Variants in ATP10B observed in about 807,000 individuals in gnomAD.
ATP10B encodes the protein ATPase phospholipid transporting 10B (putative).
Under a neutral mutation model 141.2 loss-of-function variants are expected in ATP10B, and 122 were observed. That is an observed-to-expected ratio of 0.86 (90% CI 0.75 to 1.00). The LOEUF (loss-of-function observed/expected upper bound fraction) is 1.00, where lower values mean the gene tolerates loss of function less well. Among genes scored for constraint, ATP10B ranks in the 50% least tolerant of loss-of-function variants. The probability of loss-of-function intolerance (pLI) is 0.00; values close to 1 mark genes in which losing one functional copy is unlikely to be tolerated. For synonymous variants in ATP10B, 685 were observed against 692.0 expected, an observed-to-expected ratio of 0.99 and a Z score of 0.16; for missense variants, 1,876 against 1,825.3, an observed-to-expected ratio of 1.03 and a Z score of -0.51.
At chr5:160,588,295 G>T (rs1303980402) in intron 24 of ATP10B, among the ~76,000 whole-genome samples, 1 of 152,136 alleles carries the variant, frequency 6.6e-6, no homozygotes, top group Admixed American at 6.6e-5. Context: ...AGGAGAGGGG[G>T]TTTTCAAAAT....
chr5:160,591,172 C>T (rs549540670), intron 22 of ATP10B, 33 bp from the exon 23 acceptor site: 2 of 1,578,186 alleles, frequency 1.3e-6, no homozygotes, highest in Non-Finnish European at 1.7e-6. Context: ...TAATTATCAC[C>T]CTTATAGCAA....
chr5:160,815,722 C>T lies in ATP10B; in HGVS notation c.-575-29919G>A, dbSNP rs141595601. Among the ~76,000 whole-genome samples the T allele has an allele frequency of 1.8e-4, 28 of 152,284 alleles. 1 individual carries two copies. The East Asian group carries it at 4.4e-3, about 24-fold the overall frequency. On this transcript the variant is annotated intron_variant, in intron 1 of 25. Coordinates refer to ENST00000327245, the MANE Select transcript of ATP10B (RefSeq NM_025153.3). ...TCAACAGAATATATTCTTTTCACCA[C>T]CACACAATACCTATACCAAAATTGA... is the stretch of plus-strand genomic sequence containing the variant.
chr5:160,598,806 T>C lies in ATP10B; in HGVS notation c.3528A>G (p.Ala1176=), dbSNP rs1451028594. The C allele has an allele frequency of 6.2e-7, 1 of 1,614,140 alleles. No homozygotes were observed. The highest frequency in any genetic ancestry group is 1.7e-5 in the Admixed American group (1 of 60,028). ...GGCCACTCTTGTATAGCTCAGGCAA[T>C]GCCAGGAGTGTTTCTGCAGAGATGT... ...DKDISAETLL[A]LPELYKSGQN... The change falls in exon 22 of 26, where the codon GCA becomes GCG. Residue 1176 remains alanine (A), a synonymous_variant. Coordinates refer to ENST00000327245, the MANE Select transcript of ATP10B (RefSeq NM_025153.3).
intron 2 of ATP10B, among the ~76,000 whole-genome samples, chr5:160,769,294 T>C (rs964087957): frequency 2.0e-5 from 3 of 152,226 alleles, no homozygotes; most frequent in African/African-American, 7.2e-5. Context: ...ACTGTGTTTA[T>C]TATAAAGATT....
intron 6 of ATP10B, among the ~76,000 whole-genome samples, chr5:160,676,569 A>G (rs1469036018): frequency 6.6e-6 from 1 of 152,204 alleles, no homozygotes; most frequent in Non-Finnish European, 1.5e-5. Context: ...ATATTTCTAT[A>G]TGCACATAGG....
rs539079843 is a variant in ATP10B at position 160,640,360 on chromosome 5, C to A, written c.1000+101G>T. ...ATCCCGTTAAAGTGGGCAGGGTAGG[C>A]TTTACATTTTATTAGCCCTACTTTA... On this transcript the variant is annotated intron_variant, in intron 10 of 25. Transcript: ENST00000327245. 34 of 1,384,136 alleles carry A rather than the reference C, an allele frequency of 2.5e-5. No homozygotes were observed. In the Admixed American group the frequency reaches 6.1e-4, roughly 25 times the overall value. 85.7% of individuals were successfully genotyped at this position (1,384,136 alleles called of 1,614,324 possible).
At chr5:160,688,191 T>C (rs1256877391) in intron 4 of ATP10B, 97 bp from the exon 5 acceptor site, 16 of 1,311,418 alleles carry the variant, frequency 1.2e-5, no homozygotes, top group Middle Eastern at 2.7e-4. Context: ...ACACTGAAAG[T>C]AGTCTTAACC....
chr5:160,600,035 A>G (rs1011701503), intron 21 of ATP10B, among the ~76,000 whole-genome samples: 1 of 152,164 alleles, frequency 6.6e-6, no homozygotes, highest in African/African-American at 2.4e-5. Flanking sequence ...ATCATTTGTA[A>G]AATTTGACCT....
intron 2 of ATP10B, among the ~76,000 whole-genome samples, chr5:160,741,491 T>C (rs551448603): frequency 6.6e-6 from 1 of 152,196 alleles, no homozygotes; most frequent in Non-Finnish European, 1.5e-5. Context: ...AAGCAGTTCC[T>C]TCTTTTCTAG....
At chr5:160,628,761 G>C (rs1428054949) in intron 13 of ATP10B, among the ~76,000 whole-genome samples, 1 of 152,060 alleles carries the variant, frequency 6.6e-6, no homozygotes, top group Non-Finnish European at 1.5e-5. Flanking sequence ...TGAAATCTTG[G>C]CTGCGTACAG....
At chr5:160,799,424 C>A (rs192146658) in intron 1 of ATP10B, among the ~76,000 whole-genome samples, 2 of 152,194 alleles carry the variant, frequency 1.3e-5, no homozygotes, top group Non-Finnish European at 1.5e-5. Flanking sequence ...TACCTGGTGA[C>A]GCCATGTGTT....
chr5:160,841,803 C>CACTG (rs1367476679), intron 1 of ATP10B, among the ~76,000 whole-genome samples: 1 of 152,162 alleles, frequency 6.6e-6, no homozygotes, highest in Admixed American at 6.5e-5. Flanking sequence ...CAGTTCACTG[C>CACTG]AGCATCTGCC....
intron 6 of ATP10B, chr5:160,685,378 C>T (rs1243093867): frequency 1.8e-6 from 1 of 555,916 alleles, no homozygotes; most frequent in Non-Finnish European, 3.1e-6. Flanking sequence ...AAAGAGCCTG[C>T]AGAGAACAGG....
At chr5:160,652,068 G>A (rs892875814) in intron 7 of ATP10B, among the ~76,000 whole-genome samples, 1 of 151,966 alleles carries the variant, frequency 6.6e-6, no homozygotes, top group Non-Finnish European at 1.5e-5. Flanking sequence ...CACACCTGCC[G>A]GGCCCCAGCA....
chr5:160,873,390 G>A, the ATP10B span, among the ~76,000 whole-genome samples: 3 of 152,116 alleles, frequency 2.0e-5, no homozygotes, highest in Middle Eastern at 3.2e-3. Context: ...AGAAGTCCTA[G>A]CTAATGCAAT....
At chr5:160,697,909 A>C (rs1242808444) in intron 3 of ATP10B, among the ~76,000 whole-genome samples, 1 of 152,136 alleles carries the variant, frequency 6.6e-6, no homozygotes, top group Non-Finnish European at 1.5e-5. Flanking sequence ...CCCAACTCAT[A>C]AGAGCTTTAC....
At chr5:160,848,229 C>G (rs1489800092) in intron 1 of ATP10B, among the ~76,000 whole-genome samples, 6 of 152,180 alleles carry the variant, frequency 3.9e-5, no homozygotes. Context: ...GAAGGCCACA[C>G]AGAAACCTGA....
At chr5:160,615,631 G>C (rs1757953823) in intron 17 of ATP10B, among the ~76,000 whole-genome samples, 1 of 152,018 alleles carries the variant, frequency 6.6e-6, no homozygotes, top group Non-Finnish European at 1.5e-5. Flanking sequence ...AGGGAATGCA[G>C]GAATGCTCCC....
chr5:160,571,236 TTGC>T (rs1754856595), intron 24 of ATP10B, among the ~76,000 whole-genome samples: 1 of 152,138 alleles, frequency 6.6e-6, no homozygotes, highest in Non-Finnish European at 1.5e-5. Context: ...TTTCTTAATA[TTGC>T]TTCTATAATT....
Sources: gnomAD v4.1 joint callset for allele counts (sites outside exome capture counted in the v4.1 genomes callset) on GRCh38, gnomAD v4.1.1 for gene constraint, MANE v1.5 for transcripts, NCBI Gene and HGNC (gene_info 2026-07-23, HGNC 2026-07-21) for gene names.